Variants in RHOF observed in about 807,000 individuals in gnomAD.
RHOF encodes the protein rho-related GTP-binding protein RhoF.
RHOF carries 21 observed loss-of-function variants against 22.2 expected under a neutral mutation model. The ratio of observed to expected loss-of-function variants is 0.95; its 90% confidence interval spans 0.67 to 1.36. The LOEUF (loss-of-function observed/expected upper bound fraction) is 1.36, where lower values mean the gene tolerates loss of function less well. Ranked by LOEUF, RHOF falls within the 40% of genes most tolerant of loss-of-function variation. The pLI, the probability that RHOF is intolerant of heterozygous loss-of-function variation, is 0.00. For synonymous variants in RHOF, 135 were observed against 131.2 expected (o/e 1.03, Z -0.20); for missense variants, 285 against 293.7 (o/e 0.97, Z 0.22).
In RHOF at chr12:121,793,663, G is replaced by A; in HGVS notation, c.-30C>T. On this transcript the variant is annotated 5_prime_UTR_variant, in exon 1 of 5. Coordinates refer to ENST00000267205, the MANE Select transcript of RHOF (RefSeq NM_019034.3). ...CGGAGCCCGCAGCACTGGCGGCGGCGCGCCGGGCACTAGCGGAGCCAAGAG... is the reference window on the plus strand; with the variant it reads ...CGGAGCCCGCAGCACTGGCGGCGGCACGCCGGGCACTAGCGGAGCCAAGAG... 3 of 1,510,822 alleles carry A rather than the reference G, an allele frequency of 2.0e-6. No individual in the cohort carries two copies. 93.6% of individuals were successfully genotyped at this position (1,510,822 alleles called of 1,614,324 possible).
At position 121,793,240 on chromosome 12, in the gene RHOF, C is replaced by T; in HGVS notation, c.139-1G>A. On this transcript the variant is annotated splice_acceptor_variant, in intron 1 of 4. Coordinates refer to ENST00000267205, the MANE Select transcript of RHOF (RefSeq NM_019034.3). LOFTEE classifies it high-confidence loss of function. Reference sequence around the variant, plus strand: ...TCTCGAACACCGATGGGGCGTAGTGCTGCGGGAGAGGGGGTCGGGTTGGTC... The same window carrying T: ...TCTCGAACACCGATGGGGCGTAGTGTTGCGGGAGAGGGGGTCGGGTTGGTC... The T allele has an allele frequency of 1.3e-6, 2 of 1,550,876 alleles. No homozygotes were observed. Among genetic ancestry groups the T allele is most frequent in the Non-Finnish European group, 1.7e-6 (2 of 1,146,818 alleles).
At chr12:121,780,561 A>C in intron 4 of RHOF, 1 of 508,202 alleles carries the variant, frequency 2.0e-6, no homozygotes, top group Non-Finnish European at 3.5e-6. Flanking sequence ...AGTGGATGGG[A>C]CCAGATCCTG....
chr12:121,791,643 C>CA (rs1037667380), intron 2 of RHOF, among the ~76,000 whole-genome samples: 4 of 152,218 alleles, frequency 2.6e-5, no homozygotes, highest in Non-Finnish European at 5.9e-5. Flanking sequence ...CTCCACAACT[C>CA]AATCTACTCT....
chr12:121,779,580 A>G lies in RHOF; in HGVS notation c.554T>C (p.Phe185Ser). Residue 185 changes from phenylalanine (F) to serine (S), a missense_variant, in exon 5 of 5, where the codon TTC becomes TCC. Phe to Ser is a radical substitution (Grantham distance 155). Transcript: ENST00000267205. The stretch of plus-strand genomic sequence containing the variant: ...GAGAGCCACCTTGGCGGCCTCCCGG[A>G]AGACGTCCTCCACATTCTCCCGAAA... Reference protein sequence around the residue: ...AKFRENVEDVFREAAKVALSA... With the variant: ...AKFRENVEDVSREAAKVALSA... The G allele has an allele frequency of 1.2e-6, 2 of 1,614,148 alleles. No homozygotes were observed. The highest frequency in any genetic ancestry group is 1.7e-6 in the Non-Finnish European group (2 of 1,180,040).
At chr12:121,780,810 G>A (rs1874421616) in intron 4 of RHOF, 62 bp downstream of exon 4, 1 of 1,551,522 alleles carries the variant, frequency 6.4e-7, no homozygotes. Context: ...CAGTTGCAGA[G>A]GCCAAAGGTC....
In RHOF at chr12:121,793,154, G is replaced by C. The variant is rs1371334380; in HGVS notation, c.224C>G (p.Ala75Gly). Residue 75 changes from alanine to glycine, a missense_variant and splice_region_variant, in exon 2 of 5, where the codon GCC (alanine) becomes GGC (glycine). By Grantham distance (60) the Ala-to-Gly change is moderately conservative. Coordinates refer to ENST00000267205, the MANE Select transcript of RHOF (RefSeq NM_019034.3). ...KEVTLNLYDTAGQEDYDRLRP... is the reference protein window; with the variant it reads ...KEVTLNLYDTGGQEDYDRLRP... ...CCCCGGCGCGCAGGCGCACTCACCG[G>C]CCGTGTCGTAGAGGTTCAGGGTCAC... The C allele has an allele frequency of 2.6e-6, 4 of 1,549,836 alleles. No individual in the cohort carries two copies. The highest frequency in any genetic ancestry group is 3.5e-6 in the Non-Finnish European group (4 of 1,146,654).
At chr12:121,780,813 C>G (rs756080084) in intron 4 of RHOF, 59 bp downstream of exon 4, 14 of 1,556,708 alleles carry the variant, frequency 9.0e-6, no homozygotes, top group Non-Finnish European at 1.2e-5. Flanking sequence ...TTGCAGAGGC[C>G]AAAGGTCCGG....
intron 2 of RHOF, among the ~76,000 whole-genome samples, chr12:121,792,832 G>A (rs1208675849): frequency 6.6e-6 from 1 of 152,252 alleles, no homozygotes; most frequent in Non-Finnish European, 1.5e-5. Context: ...AGGTAGCGCA[G>A]CAATCCTGGA....
rs967086122 is a variant in RHOF at position 121,779,402 on chromosome 12, G to A, written c.*96C>T. On this transcript the variant is annotated 3_prime_UTR_variant, in exon 5 of 5. Coordinates refer to ENST00000267205, the MANE Select transcript of RHOF (RefSeq NM_019034.3). ...TCTAGCCGCAGGCCCCAGACACCAT[G>A]AGCTGGAGGGTCGGGATGGGGCAGC... 19 of 1,340,594 alleles carry A rather than the reference G, an allele frequency of 1.4e-5. No individual in the cohort carries two copies. The highest frequency in any genetic ancestry group is 1.7e-5 in the Non-Finnish European group (17 of 972,924). 83.0% of individuals were successfully genotyped at this position (1,340,594 alleles called of 1,614,324 possible). A position where few individuals can be genotyped will look rare whatever the true frequency, so the allele number is the denominator to read the frequency against.
chr12:121,788,365 G>A (rs983056890), intron 2 of RHOF, among the ~76,000 whole-genome samples: 3 of 152,108 alleles, frequency 2.0e-5, no homozygotes, highest in Admixed American at 6.6e-5. Context: ...CTCTGGAAAG[G>A]GAGAGGCAGC....
intron 2 of RHOF, among the ~76,000 whole-genome samples, chr12:121,792,531 A>G (rs2137508716): frequency 6.6e-6 from 1 of 152,324 alleles, no homozygotes; most frequent in Non-Finnish European, 1.5e-5. Context: ...CATTTTCTAC[A>G]CTGTCTGGTT....
intron 2 of RHOF, chr12:121,782,990 CAT>C (rs1874512400): frequency 6.6e-6 from 1 of 152,262 alleles, no homozygotes; most frequent in South Asian, 2.1e-4. Flanking sequence ...AATGAATTAA[CAT>C]AAAGCATTCA....
At chr12:121,789,661 G>T (rs940565463) in intron 2 of RHOF, among the ~76,000 whole-genome samples, 1 of 152,150 alleles carries the variant, frequency 6.6e-6, no homozygotes, top group Non-Finnish European at 1.5e-5. Flanking sequence ...GGAGACAGGG[G>T]CTGGGCAGCC....
chr12:121,793,111 C>T (rs1272788325), intron 2 of RHOF, 41 bp downstream of exon 2: 9 of 1,515,312 alleles, frequency 5.9e-6, no homozygotes, highest in Non-Finnish European at 7.2e-6. Context: ...ACCCTTCGGG[C>T]GGGCGGACCC....
chr12:121,779,383 C>T lies in RHOF; in HGVS notation c.*115G>A, dbSNP rs564055361. On this transcript the variant is annotated 3_prime_UTR_variant, in exon 5 of 5. Transcript: ENST00000267205. ...TTCCAGAATGTTCCAAGAGTCTAGC[C>T]GCAGGCCCCAGACACCATGAGCTGG... The T allele has an allele frequency of 1.9e-5, 22 of 1,136,752 alleles. No individual in the cohort carries two copies. Among genetic ancestry groups the T allele is most frequent in the Admixed American group, 5.0e-5 (2 of 39,918 alleles). 70.4% of individuals were successfully genotyped at this position (1,136,752 alleles called of 1,614,324 possible).
chr12:121,789,634 C>T (rs1333561765), intron 2 of RHOF, among the ~76,000 whole-genome samples: 39 of 152,282 alleles, frequency 2.6e-4, no homozygotes, highest in Non-Finnish European at 4.4e-5. Context: ...GGGGGCCGCC[C>T]ACCTGTGCTT....
chr12:121,792,301 A>G (rs746467332), intron 2 of RHOF, among the ~76,000 whole-genome samples: 1 of 152,214 alleles, frequency 6.6e-6, no homozygotes, highest in Non-Finnish European at 1.5e-5. Context: ...AGGTGGGGTG[A>G]GGCCCCACCT....
chr12:121,779,819 T>A, intron 4 of RHOF, 157 bp from the exon 5 acceptor site: 1 of 752,412 alleles, frequency 1.3e-6, no homozygotes, highest in Non-Finnish European at 2.1e-6. Context: ...TCACAGTGTG[T>A]GGGTGGAATG....
At chr12:121,783,011 G>A (rs74677222) in intron 2 of RHOF, 6,508 of 152,330 alleles carry the variant, frequency 0.043, 209 homozygotes, top group Non-Finnish European at 0.069. Flanking sequence ...CAACGCCTCA[G>A]TTGCACAAGC....
Sources: gnomAD v4.1 joint callset for allele counts (sites outside exome capture counted in the v4.1 genomes callset) on GRCh38, gnomAD v4.1.1 for gene constraint, MANE v1.5 for transcripts, NCBI Gene and HGNC (gene_info 2026-07-23, HGNC 2026-07-21) for gene names.